FNDC3B: variants seen among roughly 807,000 people sequenced by gnomAD.
FNDC3B encodes fibronectin type III domain-containing protein 3B.
A neutral mutation model predicts 151.5 loss-of-function variants in FNDC3B; 12 were observed. The observed-to-expected ratio is 0.08, with a 90% CI of 0.05 to 0.13. The LOEUF (loss-of-function observed/expected upper bound fraction) is 0.13. Ranked by LOEUF, FNDC3B falls within the 10% of genes least tolerant of loss-of-function variation. FNDC3B has a pLI of 1.00. For synonymous variants in FNDC3B, 528 were observed against 549.0 expected (o/e 0.96, Z 0.54); for missense variants, 1,214 against 1,505.3 (o/e 0.81, Z 3.20).
intron 1 of FNDC3B, among the ~76,000 whole-genome samples, chr3:172,098,842 C>T (rs1356148437): frequency 6.6e-6 from 1 of 152,134 alleles, no homozygotes; most frequent in Non-Finnish European, 1.5e-5. Flanking sequence ...TCCTTGCTGC[C>T]TTGGAAAATT....
At position 172,054,069 on chromosome 3, in the gene FNDC3B, G is replaced by T. The variant is rs1280307097; in HGVS notation, c.-29+14298G>T. 2.6e-5 allele frequency among the ~76,000 whole-genome samples: 4 copies of T among 152,170 alleles called. No homozygotes were observed. In the East Asian group the frequency reaches 5.8e-4, roughly 22 times the overall value. ...ACTGGTAAAACAGTTCTGTTCATCC[G>T]CAGTGCCTTTCATTTCAGTTAATAA... On this transcript the variant is annotated intron_variant, in intron 1 of 25. Coordinates refer to ENST00000415807, the MANE Select transcript of FNDC3B (RefSeq NM_022763.4).
intron 8 of FNDC3B, among the ~76,000 whole-genome samples, chr3:172,298,066 A>G (rs373086739): frequency 1.2e-4 from 19 of 152,300 alleles, no homozygotes; most frequent in African/African-American, 4.6e-4. Context: ...ATTTGGAACA[A>G]TTCCACAATA....
chr3:172,062,751 T>TATCC (rs556097828), intron 1 of FNDC3B, among the ~76,000 whole-genome samples: 19 of 152,148 alleles, frequency 1.2e-4, no homozygotes, highest in Non-Finnish European at 2.2e-4. Flanking sequence ...TCCATCCATC[T>TATCC]ATCCATCCAT....
intron 23 of FNDC3B, among the ~76,000 whole-genome samples, chr3:172,365,802 A>G (rs1409695163): frequency 6.6e-6 from 1 of 152,240 alleles, no homozygotes; most frequent in Non-Finnish European, 1.5e-5. Context: ...TCTTCTTAAC[A>G]CTTAAGTATA....
intron 1 of FNDC3B, among the ~76,000 whole-genome samples, chr3:172,078,565 A>G (rs756241530): frequency 5.9e-5 from 9 of 152,170 alleles, no homozygotes; most frequent in Non-Finnish European, 1.3e-4. Flanking sequence ...TGAAAATAGT[A>G]AATTTCATTT....
intron 6 of FNDC3B, among the ~76,000 whole-genome samples, chr3:172,259,354 C>T (rs990898940): frequency 2.0e-5 from 3 of 152,172 alleles, no homozygotes; most frequent in Admixed American, 1.3e-4. Flanking sequence ...CCATTTCAAG[C>T]GTAGGCTGCC....
intron 20 of FNDC3B, among the ~76,000 whole-genome samples, chr3:172,347,001 G>A (rs572487694): frequency 6.6e-6 from 1 of 152,234 alleles, no homozygotes; most frequent in South Asian, 2.1e-4. Context: ...GCCGCACCTG[G>A]CCCTATTTTA....
intron 1 of FNDC3B, among the ~76,000 whole-genome samples, chr3:172,067,001 G>T (rs1240441309): frequency 6.6e-6 from 1 of 152,100 alleles, no homozygotes; most frequent in Non-Finnish European, 1.5e-5. Context: ...TAGGGGTCTT[G>T]TACCAGATCA....
intron 6 of FNDC3B, among the ~76,000 whole-genome samples, chr3:172,282,231 TC>T (rs1312952601): frequency 1.3e-5 from 2 of 152,342 alleles, no homozygotes; most frequent in African/African-American, 4.8e-5. Flanking sequence ...GCAAATTGTG[TC>T]CCTGGGTTTT....
intron 4 of FNDC3B, among the ~76,000 whole-genome samples, chr3:172,231,045 A>G (rs1053605097): frequency 6.6e-6 from 1 of 152,234 alleles, no homozygotes; most frequent in Admixed American, 6.5e-5. Context: ...CCCAAAGTGG[A>G]AACAACCCAA....
intron 25 of FNDC3B, among the ~76,000 whole-genome samples, chr3:172,387,518 A>T (rs1297497605): frequency 6.6e-6 from 1 of 152,250 alleles, no homozygotes; most frequent in African/African-American, 2.4e-5. Context: ...GGTCAAATTT[A>T]GAACAAAATA....
At chr3:172,167,738 C>T (rs1723076924) in intron 3 of FNDC3B, among the ~76,000 whole-genome samples, 1 of 152,202 alleles carries the variant, frequency 6.6e-6, no homozygotes, top group Admixed American at 6.5e-5. Flanking sequence ...TGAGCTCTGC[C>T]TCCTGTCAGA....
rs1339310828 is a variant in FNDC3B at position 172,330,617 on chromosome 3, G to A, written c.1456G>A (p.Ala486Thr). 6.2e-7 allele frequency: 1 copy of A among 1,614,208 alleles called. No homozygotes were observed. ...GCCTTCTGCACCAAGGCTGGTTCGA[G>A]CTGGCATCACATGGGTCACGTTGCA... ...QMPSAPRLVR[A>T]GITWVTLQWS... Residue 486 changes from alanine to threonine, a missense_variant, in exon 13 of 26, where the codon GCT (alanine) becomes ACT (threonine). Physicochemically the swap from Ala to Thr is moderately conservative, Grantham distance 58 (BLOSUM62 0). Coordinates refer to ENST00000415807, the MANE Select transcript of FNDC3B (RefSeq NM_022763.4).
At chr3:172,074,898 C>T (rs1717936900) in intron 1 of FNDC3B, among the ~76,000 whole-genome samples, 1 of 152,214 alleles carries the variant, frequency 6.6e-6, no homozygotes, top group Non-Finnish European at 1.5e-5. Flanking sequence ...AATAACAAAA[C>T]TTTCTTGCCT....
chr3:172,304,924 G>C (rs1731120799), intron 9 of FNDC3B, among the ~76,000 whole-genome samples: 1 of 149,468 alleles, frequency 6.7e-6, no homozygotes, highest in Non-Finnish European at 1.5e-5. Flanking sequence ...GCCAAGTGTT[G>C]CTAAAACCTT....
chr3:172,282,129 T>C (rs182889206), intron 6 of FNDC3B, among the ~76,000 whole-genome samples: 1 of 152,304 alleles, frequency 6.6e-6, no homozygotes, highest in Non-Finnish European at 1.5e-5. Flanking sequence ...GACATTTTCA[T>C]ACTAGACTGT....
At chr3:172,360,828 T>C (rs887731445) in intron 22 of FNDC3B, among the ~76,000 whole-genome samples, 3 of 152,262 alleles carry the variant, frequency 2.0e-5, no homozygotes, top group African/African-American at 7.2e-5. Context: ...TCTTGATTAC[T>C]GTAGCTTTAT....
intron 3 of FNDC3B, among the ~76,000 whole-genome samples, chr3:172,151,448 C>T (rs1722214521): frequency 6.6e-6 from 1 of 152,102 alleles, no homozygotes; most frequent in South Asian, 2.1e-4. Flanking sequence ...TCCCCGACTC[C>T]ACTCCCCACT....
chr3:172,067,085 C>CAGAT (rs1226474811), intron 1 of FNDC3B, among the ~76,000 whole-genome samples: 1 of 152,172 alleles, frequency 6.6e-6, no homozygotes, highest in Non-Finnish European at 1.5e-5. Context: ...TTCTCCTGTG[C>CAGAT]AGATATAAGA....
Sources: gnomAD v4.1 joint callset for allele counts (sites outside exome capture counted in the v4.1 genomes callset) on GRCh38, gnomAD v4.1.1 for gene constraint, MANE v1.5 for transcripts, NCBI Gene and HGNC (gene_info 2026-07-23, HGNC 2026-07-21) for gene names.